The following LARGE1 variants were observed in gnomAD, a reference collection of about 807,000 sequenced individuals.
LARGE1 encodes the protein xylosyl- and glucuronyltransferase LARGE1.
In LARGE1, 43 loss-of-function variants were observed where a neutral mutation model predicts 87.6. The ratio of observed to expected loss-of-function variants is 0.49; its 90% CI spans 0.38 to 0.63. The LOEUF (loss-of-function observed/expected upper bound fraction) is 0.63, where lower values mean the gene tolerates loss of function less well. Ranked by LOEUF, LARGE1 falls within the 30% of genes least tolerant of loss-of-function variation. The probability of loss-of-function intolerance (pLI) is 0.00; values close to 1 mark genes in which losing one functional copy is unlikely to be tolerated. For missense variants in LARGE1, 802 were observed against 1,000.2 expected (o/e 0.80, Z 2.67); for synonymous variants, 434 against 394.6 (o/e 1.10, Z -1.18).
intron 1 of LARGE1, among the ~76,000 whole-genome samples, chr22:33,846,069 T>C (rs962787816): frequency 7.9e-5 from 12 of 152,184 alleles, no homozygotes; most frequent in African/African-American, 2.4e-4. Flanking sequence ...ACAGCGTCTC[T>C]GTTTGTCATT....
At chr22:33,552,969 T>C (rs1458452856) in intron 6 of LARGE1, among the ~76,000 whole-genome samples, 1 of 152,206 alleles carries the variant, frequency 6.6e-6, no homozygotes, top group Non-Finnish European at 1.5e-5. Flanking sequence ...CTTGGAATCA[T>C]CCCACTCTAC....
intron 11 of LARGE1, among the ~76,000 whole-genome samples, chr22:33,228,554 G>C (rs1363714104): frequency 1.3e-5 from 2 of 152,214 alleles, no homozygotes; most frequent in Non-Finnish European, 2.9e-5. Context: ...CTGAGCTGAT[G>C]TTGCAGGACT....
At chr22:33,412,290 C>CATATAT (rs60502247) in intron 7 of LARGE1, among the ~76,000 whole-genome samples, 7,475 of 149,266 alleles carry the variant, frequency 0.05, 207 homozygotes, top group African/African-American at 0.087. Flanking sequence ...ATCTCAAAGT[C>CATATAT]ATATATATAT....
At chr22:33,515,059 C>G (rs1354145643) in intron 6 of LARGE1, among the ~76,000 whole-genome samples, 1 of 151,326 alleles carries the variant, frequency 6.6e-6, no homozygotes, top group Non-Finnish European at 1.5e-5. Flanking sequence ...TTTATTTGTT[C>G]AAGTTCTCAG....
chr22:33,147,565 T>C, the LARGE1 span, among the ~76,000 whole-genome samples: 1 of 152,192 alleles, frequency 6.6e-6, no homozygotes, highest in South Asian at 2.1e-4. Context: ...CAAAACAATT[T>C]AGAGATTTTC....
chr22:33,826,060 T>C (rs1438557344), intron 1 of LARGE1, among the ~76,000 whole-genome samples: 1 of 152,072 alleles, frequency 6.6e-6, no homozygotes, highest in African/African-American at 2.4e-5. Context: ...TTCACTTCTG[T>C]CTTTTTTTAA....
intron 1 of LARGE1, among the ~76,000 whole-genome samples, chr22:33,806,349 G>A (rs554602421): frequency 2.3e-4 from 35 of 152,292 alleles, no homozygotes; most frequent in African/African-American, 6.5e-4. Flanking sequence ...AGGGACACAC[G>A]TGAGCAAGCT....
chr22:33,737,262 AT>A (rs1180485734), intron 2 of LARGE1, among the ~76,000 whole-genome samples: 5 of 152,104 alleles, frequency 3.3e-5, no homozygotes, highest in African/African-American at 1.2e-4. Context: ...CCTTCCCCAC[AT>A]GGGCTTTTGT....
intron 6 of LARGE1, among the ~76,000 whole-genome samples, chr22:33,553,543 G>C (rs1291370450): frequency 6.6e-6 from 1 of 151,958 alleles, no homozygotes; most frequent in African/African-American, 2.4e-5. Context: ...AAACAAAATA[G>C]CTCTAATATT....
At chr22:33,357,105 A>G (rs1172829866) in intron 9 of LARGE1, among the ~76,000 whole-genome samples, 1 of 152,244 alleles carries the variant, frequency 6.6e-6, no homozygotes, top group African/African-American at 2.4e-5. Flanking sequence ...GCAAAGATAC[A>G]GAGTCAGCCT....
At chr22:33,738,485 G>A (rs1040327277) in intron 2 of LARGE1, among the ~76,000 whole-genome samples, 1 of 152,192 alleles carries the variant, frequency 6.6e-6, no homozygotes, top group African/African-American at 2.4e-5. Context: ...AATGAGGAAG[G>A]GGGAATAGTG....
intron 7 of LARGE1, among the ~76,000 whole-genome samples, chr22:33,401,648 TC>T (rs2065929074): frequency 6.6e-6 from 1 of 152,004 alleles, no homozygotes; most frequent in African/African-American, 2.4e-5. Flanking sequence ...ACTGGTGCCC[TC>T]ATGTGAAGAA....
At chr22:33,503,998 T>C (rs530177327) in intron 6 of LARGE1, among the ~76,000 whole-genome samples, 1 of 152,150 alleles carries the variant, frequency 6.6e-6, no homozygotes, top group Non-Finnish European at 1.5e-5. Flanking sequence ...AATGTCATGC[T>C]AAGTCAAAGA....
chr22:33,239,608 G>A (rs1282238007), intron 11 of LARGE1, among the ~76,000 whole-genome samples: 4 of 133,840 alleles, frequency 3.0e-5, no homozygotes, highest in African/African-American at 8.5e-5. Flanking sequence ...GCGCGATCTC[G>A]GCTCACTGCA....
intron 6 of LARGE1, among the ~76,000 whole-genome samples, chr22:33,468,551 AAT>A (rs1487885001): frequency 6.6e-6 from 1 of 152,244 alleles, no homozygotes; most frequent in Non-Finnish European, 1.5e-5. Context: ...TCTGATCAAT[AAT>A]TCCTTTGGCA....
chr22:33,371,723 G>A (rs923734512), intron 9 of LARGE1, among the ~76,000 whole-genome samples: 6 of 152,142 alleles, frequency 3.9e-5, no homozygotes, highest in African/African-American at 1.2e-4. Flanking sequence ...GGTGGCTCAC[G>A]CCTATAATCC....
chr22:33,162,489 C>A (rs1259077185), exon 12 of LARGE1: 1 of 152,224 alleles, frequency 6.6e-6, no homozygotes, highest in East Asian at 1.9e-4. Context: ...ATGATGGGAA[C>A]TACAATTCAA....
chr22:33,115,237 G>A, the LARGE1 span, among the ~76,000 whole-genome samples: 2 of 152,118 alleles, frequency 1.3e-5, no homozygotes, highest in Non-Finnish European at 2.9e-5. Flanking sequence ...TGCAGTCCTA[G>A]CATATGCAGA....
At chr22:33,353,734 G>A (rs1183542183) in intron 9 of LARGE1, among the ~76,000 whole-genome samples, 1 of 152,138 alleles carries the variant, frequency 6.6e-6, no homozygotes, top group Admixed American at 6.5e-5. Context: ...TAATGATAAC[G>A]ATATTTTATG....
Sources: allele counts gnomAD v4.1 joint callset (sites outside exome capture counted in the v4.1 genomes callset), GRCh38; gene constraint gnomAD v4.1.1; transcripts MANE v1.5; gene names NCBI Gene and HGNC (gene_info 2026-07-23, HGNC 2026-07-21).